The following PIR variants were observed in gnomAD, a reference collection of about 807,000 sequenced individuals.
PIR encodes the protein pirin.
In PIR, 22 loss-of-function variants were observed where a neutral mutation model predicts 24.2. That is an observed-to-expected ratio of 0.91 (90% CI 0.65 to 1.30). PIR has a LOEUF of 1.30. Among genes scored for constraint, PIR ranks in the 50% most tolerant of loss-of-function variants. PIR has a pLI of 0.00. For synonymous variants in PIR, 80 were observed against 79.6 expected, an observed-to-expected ratio of 1.00 and a Z score of -0.03; for missense variants, 220 against 220.3, an observed-to-expected ratio of 1.00 and a Z score of 0.01.
chrX:15,402,600 A>G (rs780415989), intron 7 of PIR, among the ~76,000 whole-genome samples: 2 of 111,363 alleles, frequency 1.8e-5, no homozygotes, highest in African/African-American at 6.5e-5. Context: ...CATGTTGTAA[A>G]ATAGTAGATC....
intron 7 of PIR, among the ~76,000 whole-genome samples, chrX:15,404,316 A>C (rs1348646550): frequency 8.9e-6 from 1 of 112,057 alleles, no homozygotes; most frequent in Non-Finnish European, 1.9e-5. Context: ...GCATTTTCTA[A>C]TGTTCAAAAC....
At chrX:15,445,954 C>T (rs893110650) in intron 5 of PIR, among the ~76,000 whole-genome samples, 4 of 105,878 alleles carry the variant, frequency 3.8e-5, no homozygotes, top group East Asian at 3.0e-4. Context: ...CTCAGCCTCC[C>T]GAGTAGCTGG....
At chrX:15,441,792 G>A (rs1925923659) in intron 5 of PIR, among the ~76,000 whole-genome samples, 1 of 111,451 alleles carries the variant, frequency 9.0e-6, no homozygotes, top group Non-Finnish European at 1.9e-5. Flanking sequence ...CTGTCAAGAG[G>A]TAAGCCTGCC....
chrX:15,392,318 C>A (rs962620474), intron 8 of PIR, among the ~76,000 whole-genome samples: 1 of 111,854 alleles, frequency 8.9e-6, no homozygotes, highest in Non-Finnish European at 1.9e-5. Context: ...AAACAATAAA[C>A]AAAGCCAAAA....
At chrX:15,484,103 T>C (rs1922657874) in intron 2 of PIR, among the ~76,000 whole-genome samples, 1 of 111,165 alleles carries the variant, frequency 9.0e-6, no homozygotes, top group Non-Finnish European at 1.9e-5. Context: ...AGTTATTCAT[T>C]GTTATCAAGA....
chrX:15,432,392 G>T (rs1459499116), intron 5 of PIR, among the ~76,000 whole-genome samples: 1 of 112,057 alleles, frequency 8.9e-6, no homozygotes, highest in Non-Finnish European at 1.9e-5. Flanking sequence ...TAAATAGGAT[G>T]CAGAGAGAGA....
chrX:15,424,499 G>A (rs758668604), intron 6 of PIR, among the ~76,000 whole-genome samples: 2 of 111,818 alleles, frequency 1.8e-5, no homozygotes, highest in African/African-American at 6.5e-5. Context: ...TCAGTAGGAC[G>A]ACTATTGTTT....
chrX:15,419,119 G>GT (rs1055661914), intron 6 of PIR, among the ~76,000 whole-genome samples: 1 of 108,957 alleles, frequency 9.2e-6, no homozygotes, highest in African/African-American at 3.3e-5. Context: ...ACCTGGAAAG[G>GT]TGGAAAAAAA....
intron 5 of PIR, among the ~76,000 whole-genome samples, chrX:15,445,577 G>A (rs957679574): frequency 9.0e-6 from 1 of 111,587 alleles, no homozygotes; most frequent in African/African-American, 3.3e-5. Flanking sequence ...GGGCTTTAAG[G>A]TTTTACGAAA....
chrX:15,454,473 TA>T (rs56248489), intron 5 of PIR, among the ~76,000 whole-genome samples: 22,905 of 88,065 alleles, frequency 0.26, 2,371 homozygotes, highest in East Asian at 0.48. Flanking sequence ...AGGGTACAGG[TA>T]AAAAAAAAAA....
intron 2 of PIR, among the ~76,000 whole-genome samples, chrX:15,485,330 T>C (rs1325243026): frequency 1.8e-5 from 2 of 111,647 alleles, no homozygotes; most frequent in Non-Finnish European, 3.8e-5. Context: ...GTGTCCCACA[T>C]GGTGGAAGGA....
chrX:15,422,973 C>T (rs1259926414), intron 6 of PIR, among the ~76,000 whole-genome samples: 1 of 111,781 alleles, frequency 8.9e-6, no homozygotes, highest in Non-Finnish European at 1.9e-5. Context: ...AAAACAGACA[C>T]ATGGATCAAT....
chrX:15,433,705 A>G (rs1925610897), intron 5 of PIR, among the ~76,000 whole-genome samples: 2 of 65,346 alleles, frequency 3.1e-5, no homozygotes, highest in Non-Finnish European at 5.7e-5. Context: ...AGGAGGAAGG[A>G]GAAAGAAGGA....
chrX:15,492,369 T>C (rs763341742), intron 1 of PIR, among the ~76,000 whole-genome samples: 3 of 111,738 alleles, frequency 2.7e-5, no homozygotes, highest in East Asian at 2.8e-4. Context: ...GACTTACCTA[T>C]AGCCAGAGTT....
intron 8 of PIR, among the ~76,000 whole-genome samples, chrX:15,396,772 C>G (rs1159024327): frequency 4.4e-5 from 3 of 67,883 alleles, no homozygotes; most frequent in African/African-American, 1.3e-4. Context: ...GACGGAGTCT[C>G]ACTGTGTTGC....
At chrX:15,426,049 T>G (rs750894736) in intron 5 of PIR, 59 bp from the exon 6 acceptor site, 1 of 749,197 alleles carries the variant, frequency 1.3e-6, no homozygotes, top group East Asian at 3.2e-5. Context: ...CTTCTTTCCT[T>G]CAGCTGGCCC....
At chrX:15,472,090 C>T (rs1384573652) in intron 3 of PIR, among the ~76,000 whole-genome samples, 1 of 111,859 alleles carries the variant, frequency 8.9e-6, no homozygotes, top group Non-Finnish European at 1.9e-5. Context: ...GAGGCCTCAG[C>T]AAGAGTTCCT....
At chrX:15,457,304 CAG>C in intron 4 of PIR, among the ~76,000 whole-genome samples, 1 of 111,490 alleles carries the variant, frequency 9.0e-6, no homozygotes, top group Admixed American at 9.5e-5. Context: ...AGCCCTCAGA[CAG>C]AGTAACAGCA....
At chrX:15,489,530 G>A (rs2147092241) in intron 2 of PIR, among the ~76,000 whole-genome samples, 1 of 111,591 alleles carries the variant, frequency 9.0e-6, no homozygotes, top group East Asian at 2.8e-4. Context: ...TGTGTTTGGG[G>A]CCCCAAAATT....
Sources: allele counts gnomAD v4.1 joint callset (sites outside exome capture counted in the v4.1 genomes callset), GRCh38; gene constraint gnomAD v4.1.1; transcripts MANE v1.5; gene names NCBI Gene and HGNC (gene_info 2026-07-23, HGNC 2026-07-21).